The following ABCC4 variants were observed in gnomAD, a reference collection of about 807,000 sequenced individuals.
The protein encoded by ABCC4 is ATP-binding cassette sub-family C member 4.
ABCC4 carries 102 observed loss-of-function variants against 168.5 expected under a neutral mutation model. The observed-to-expected ratio is 0.61, with a 90% CI of 0.52 to 0.71. The LOEUF (loss-of-function observed/expected upper bound fraction) is 0.71. Among genes scored for constraint, ABCC4 ranks in the 30% least tolerant of loss-of-function variants. The pLI, the probability that ABCC4 is intolerant of heterozygous loss-of-function variation, is 0.00. For synonymous variants in ABCC4, 617 were observed against 590.7 expected (o/e 1.04, Z -0.65); for missense variants, 1,402 against 1,605.8 (o/e 0.87, Z 2.17).
chr13:95,196,587 A>T (rs1475755941), intron 8 of ABCC4, among the ~76,000 whole-genome samples: 1 of 2,010 alleles, frequency 5.0e-4, no homozygotes, highest in Non-Finnish European at 1.2e-3. Flanking sequence ...GAAAGGAGGA[A>T]GGAAGGAAGG....
chr13:95,220,039 T>A (rs2039270265), intron 4 of ABCC4, among the ~76,000 whole-genome samples: 1 of 131,018 alleles, frequency 7.6e-6, no homozygotes, highest in African/African-American at 2.8e-5. Context: ...TTTTTTTTTT[T>A]AGTTTTAGTA....
intron 20 of ABCC4, among the ~76,000 whole-genome samples, chr13:95,087,552 A>C (rs758326066): frequency 3.9e-5 from 6 of 152,228 alleles, no homozygotes; most frequent in Non-Finnish European, 8.8e-5. Context: ...CCTGGCTAAT[A>C]CAGGATTTCT....
At chr13:95,068,902 C>T (rs1413865091) in intron 25 of ABCC4, among the ~76,000 whole-genome samples, 1 of 152,252 alleles carries the variant, frequency 6.6e-6, no homozygotes, top group Non-Finnish European at 1.5e-5. Flanking sequence ...CTGGCCCCAT[C>T]AGGAACAGAA....
At chr13:95,026,109 G>T (rs151124245) in intron 30 of ABCC4, among the ~76,000 whole-genome samples, 1 of 151,996 alleles carries the variant, frequency 6.6e-6, no homozygotes, top group Non-Finnish European at 1.5e-5. Context: ...TTGTGATGGC[G>T]CACACCTGTA....
intron 14 of ABCC4, among the ~76,000 whole-genome samples, chr13:95,170,038 A>C (rs113391529): frequency 1.3e-5 from 2 of 152,008 alleles, no homozygotes; most frequent in African/African-American, 4.8e-5. Context: ...TTGTATTTTT[A>C]GTAGAGACGG....
intron 24 of ABCC4, among the ~76,000 whole-genome samples, chr13:95,072,185 G>A (rs534388684): frequency 2.6e-5 from 4 of 152,358 alleles, no homozygotes; most frequent in South Asian, 2.1e-4. Context: ...TGCTGGCTGG[G>A]CGCGGTGGCT....
chr13:95,043,532 G>A, intron 29 of ABCC4, 150 bp downstream of exon 29: 1 of 565,940 alleles, frequency 1.8e-6, no homozygotes, highest in South Asian at 2.9e-5. Context: ...TGAGGGTGTA[G>A]TTAAGCATAT....
chr13:95,264,864 C>CTTTTTTTT (rs55932446), intron 1 of ABCC4, among the ~76,000 whole-genome samples: 1 of 106,494 alleles, frequency 9.4e-6, no homozygotes, highest in Non-Finnish European at 2.0e-5. Context: ...CTACAATCCA[C>CTTTTTTTT]TTTTTTTTTT....
At chr13:95,128,368 C>T (rs907803664) in intron 19 of ABCC4, among the ~76,000 whole-genome samples, 1 of 152,146 alleles carries the variant, frequency 6.6e-6, no homozygotes, top group Non-Finnish European at 1.5e-5. Flanking sequence ...GTGAAAGAAT[C>T]GAAACTCTTT....
chr13:95,200,636 A>C (rs2038597853), intron 8 of ABCC4, among the ~76,000 whole-genome samples: 1 of 152,074 alleles, frequency 6.6e-6, no homozygotes, highest in Admixed American at 6.5e-5. Flanking sequence ...CAGGAGAATC[A>C]CTTGAACCTG....
At chr13:95,214,105 A>C (rs2039043306) in intron 4 of ABCC4, among the ~76,000 whole-genome samples, 1 of 152,216 alleles carries the variant, frequency 6.6e-6, no homozygotes, top group Admixed American at 6.5e-5. Context: ...AAAAAGAACC[A>C]AATAGAACTT....
intron 1 of ABCC4, among the ~76,000 whole-genome samples, chr13:95,300,521 T>A (rs1410544261): frequency 6.6e-6 from 1 of 152,136 alleles, no homozygotes; most frequent in African/African-American, 2.4e-5. Context: ...CACATGAAAC[T>A]TGCCATAACT....
In ABCC4 at chr13:95,046,568, C is replaced by T. The variant is rs965555047; in HGVS notation, c.3457-2130G>A. ...TCATCTGAGGTCAGGAGTTCGAGACCAGCCTGGCCAACATGGTGAAATCCC... is the reference window on the plus strand; with the variant it reads ...TCATCTGAGGTCAGGAGTTCGAGACTAGCCTGGCCAACATGGTGAAATCCC... On this transcript the variant is annotated intron_variant, in intron 27 of 30. Transcript: ENST00000645237. Among the ~76,000 whole-genome samples the T allele has an allele frequency of 2.6e-5, 4 of 152,076 alleles. No homozygotes were observed. In the East Asian group the frequency reaches 7.7e-4, roughly 29 times the overall value.
chr13:95,206,152 T>A (rs1024500239), intron 8 of ABCC4, among the ~76,000 whole-genome samples: 1 of 152,176 alleles, frequency 6.6e-6, no homozygotes, highest in Non-Finnish European at 1.5e-5. Flanking sequence ...GCTCTTTCCT[T>A]CCAGCCCACA....
chr13:95,073,051 C>CATTA lies in ABCC4; in HGVS notation c.3018+149_3018+152dup, dbSNP rs1594050112. 2.0e-5 allele frequency among the ~76,000 whole-genome samples: 3 copies of CATTA among 152,184 alleles called. No homozygotes were observed. The East Asian group carries it at 5.8e-4, about 29-fold the overall frequency. On this transcript the variant is annotated intron_variant, in intron 24 of 30. Transcript: ENST00000645237. Reference sequence around the variant, plus strand: ...AAAAAGATGTATATATTTTATTTTACATTAACTTTAAACAGATGGAGGAAG... The same window carrying CATTA: ...AAAAAGATGTATATATTTTATTTTACATTAATTAACTTTAAACAGATGGAGGAAG...
intron 21 of ABCC4, among the ~76,000 whole-genome samples, chr13:95,079,556 T>C (rs575283930): frequency 9.9e-5 from 15 of 152,194 alleles, no homozygotes; most frequent in Admixed American, 9.8e-4. Flanking sequence ...TGCCCAAAGC[T>C]GGGTGCGATG....
At position 95,043,736 on chromosome 13, in the gene ABCC4, G is replaced by C. The variant is rs775645310; in HGVS notation, c.3681C>G (p.Thr1227=). 1 of 1,613,868 alleles carries C rather than the reference G, an allele frequency of 6.2e-7. No individual in the cohort carries two copies. The highest frequency in any genetic ancestry group is 1.1e-5 in the South Asian group (1 of 91,048). The change falls in exon 29 of 31, where the codon ACC becomes ACG. Residue 1227 remains threonine, a synonymous_variant. Transcript: ENST00000645237. The part of the protein sequence containing the change: ...KKIREKFAHC[T]VLTIAHRLNT... ...TCAATCTGTGTGCAATGGTTAGCAC[G>C]GTGCAGTGGGCAAATTTCTCCCGGA...
At chr13:95,094,167 T>TAA (rs577459302) in intron 20 of ABCC4, among the ~76,000 whole-genome samples, 13 of 148,198 alleles carry the variant, frequency 8.8e-5, no homozygotes, top group African/African-American at 3.2e-4. Flanking sequence ...TGCACAGAAT[T>TAA]AAAAAAAAAA....
At chr13:95,045,459 C>T (rs1368674543) in intron 27 of ABCC4, among the ~76,000 whole-genome samples, 1 of 152,106 alleles carries the variant, frequency 6.6e-6, no homozygotes. Context: ...GTTTAAGCCC[C>T]TATGGCTATA....
Sources: gnomAD v4.1 joint callset for allele counts (sites outside exome capture counted in the v4.1 genomes callset) on GRCh38, gnomAD v4.1.1 for gene constraint, MANE v1.5 for transcripts, NCBI Gene and HGNC (gene_info 2026-07-23, HGNC 2026-07-21) for gene names.